CACNA1S: variants seen among roughly 807,000 people sequenced by gnomAD.
CACNA1S encodes calcium voltage-gated channel subunit alpha1 S.
In CACNA1S, 126 loss-of-function variants were observed where a neutral mutation model predicts 207.4. The observed-to-expected ratio is 0.61, with a 90% CI of 0.53 to 0.70. CACNA1S has a LOEUF of 0.70. Among genes scored for constraint, CACNA1S ranks in the 30% least tolerant of loss-of-function variants. CACNA1S has a pLI of 0.00. For synonymous variants in CACNA1S, 960 were observed against 932.7 expected (o/e 1.03, Z -0.53); for missense variants, 2,349 against 2,422.8 (o/e 0.97, Z 0.64).
At chr1:201,040,536 C>T in intron 42 of CACNA1S, 86 bp downstream of exon 42, 4 of 1,437,676 alleles carry the variant, frequency 2.8e-6, no homozygotes, top group Non-Finnish European at 2.9e-6. Flanking sequence ...GCTGCCACAG[C>T]CTTCCCCTGC....
rs769489062 is a variant in CACNA1S at position 201,061,382 on chromosome 1, A to G, written c.3140T>C (p.Ile1047Thr). 12 of 1,614,136 alleles carry G rather than the reference A, an allele frequency of 7.4e-6. No homozygotes were observed. Among genetic ancestry groups the G allele is most frequent in the Admixed American group, 1.7e-5 (1 of 60,018 alleles). The change falls in exon 25 of 44, where the codon ATC becomes ACC. Residue 1047 changes from isoleucine (I) to threonine (T), a missense_variant. Ile to Thr is a moderately conservative substitution (Grantham distance 89). Transcript: ENST00000362061. ...GAAGAAGGCAATGAGGATGATGTAG[A>G]TGATGAAGAAGATGGCCATCTCCAC... ...NRVEMAIFFI[I>T]YIILIAFFMM...
rs1052899967 is a variant in CACNA1S, at chr1:201,053,741, C to T, written c.3667-154G>A. 6.6e-6 allele frequency among the ~76,000 whole-genome samples: 1 copy of T among 152,092 alleles called. No individual in the cohort carries two copies. The highest frequency in any genetic ancestry group is 2.4e-5 in the African/African-American group (1 of 41,414). On this transcript the variant is annotated intron_variant, in intron 29 of 43. Transcript: ENST00000362061. The surrounding 1 kb of genome is among the most constrained non-coding windows in gnomAD (Gnocchi z 5.1). ...CTCTGGCCCCTGCTGTCCACTAGTTCGGGACCATCCTTGGGCACAGGGCTC... is the reference window on the plus strand; with the variant it reads ...CTCTGGCCCCTGCTGTCCACTAGTTTGGGACCATCCTTGGGCACAGGGCTC...
chr1:201,077,118 C>A lies in CACNA1S; in HGVS notation c.1629G>T (p.Thr543=), dbSNP rs143999390. Residue 543 remains threonine (T), a synonymous_variant, in exon 12 of 44, where the codon ACG becomes ACT. Coordinates refer to ENST00000362061, the MANE Select transcript of CACNA1S (RefSeq NM_000069.3). Reference sequence around the variant, plus strand: ...GGGATGCCACCAGGTTGCTCAGCGACGTCCAATATCTGAAGGAAGAGGAGG... The same window carrying A: ...GGGATGCCACCAGGTTGCTCAGCGAAGTCCAATATCTGAAGGAAGAGGAGG... The part of the protein sequence containing the change: ...LRIFKITKYW[T]SLSNLVASLL... The A allele has an allele frequency of 2.1e-4, 346 of 1,613,856 alleles. No individual in the cohort carries two copies. Among genetic ancestry groups the A allele is most frequent in the Non-Finnish European group, 1.7e-4 (198 of 1,179,908 alleles).
chr1:201,040,715 T>C lies in CACNA1S; in HGVS notation c.5135-2A>G. 1 of 1,613,102 alleles carries C rather than the reference T, an allele frequency of 6.2e-7. No individual in the cohort carries two copies. The highest frequency in any genetic ancestry group is 1.1e-5 in the South Asian group (1 of 91,006). On this transcript the variant is annotated splice_acceptor_variant, in intron 41 of 43. Transcript: ENST00000362061. LOFTEE classifies it high-confidence loss of function. ...CCACACAGGGTTTGCTGTGGGGTCC[T>C]GTATGCAAGAAGGGGCAAGGATAAG...
Position 201,078,071 on chromosome 1 carries a change from G to T in CACNA1S, c.1427C>A (p.Thr476Asn). The change falls in exon 11 of 44, where the codon ACC becomes AAC. Residue 476 changes from threonine to asparagine, a missense_variant. By Grantham distance (65) the Thr-to-Asn change is moderately conservative. Transcript: ENST00000362061. ...GTACATCTTCATCAGCATCTCAGTG[G>T]TGAAGAGGGACAGCAGCACCCGGTT... is the stretch of plus-strand genomic sequence containing the variant. ...IANRVLLSLF[T>N]TEMLMKMYGL... 6.2e-7 allele frequency: 1 copy of T among 1,614,210 alleles called. No homozygotes were observed. The highest frequency in any genetic ancestry group is 8.5e-7 in the Non-Finnish European group (1 of 1,180,022).
intron 7 of CACNA1S, 23 bp downstream of exon 7, chr1:201,087,803 C>T: frequency 6.6e-7 from 1 of 1,513,240 alleles, no homozygotes. Context: ...CTTTTCTCCC[C>T]TGGCTACCTT....
At chr1:201,100,270 G>A (rs1318955909) in intron 2 of CACNA1S, among the ~76,000 whole-genome samples, 1 of 152,266 alleles carries the variant, frequency 6.6e-6, no homozygotes, top group Non-Finnish European at 1.5e-5. Flanking sequence ...AGACTTAGAG[G>A]GGAATGAGGT....
At chr1:201,047,468 TC>T in intron 37 of CACNA1S, 56 bp downstream of exon 37, 3 of 1,439,416 alleles carry the variant, frequency 2.1e-6, no homozygotes, top group Non-Finnish European at 2.9e-6. Context: ...TTGGAGAAGC[TC>T]CCCACTCCCA....
At chr1:201,061,664 G>A (rs1160062577) in intron 24 of CACNA1S, among the ~76,000 whole-genome samples, 196 bp from the exon 25 acceptor site, 1 of 152,210 alleles carries the variant, frequency 6.6e-6, no homozygotes, top group East Asian at 1.9e-4. Flanking sequence ...CTTTCAAGAG[G>A]TTGCCCCATC....
At chr1:201,097,004 G>A (rs571174673) in intron 2 of CACNA1S, among the ~76,000 whole-genome samples, 4 of 152,108 alleles carry the variant, frequency 2.6e-5, no homozygotes, top group South Asian at 2.1e-4. Context: ...TTCATGTGTC[G>A]CTGTCTCAGC....
chr1:201,074,206 G>A (rs956862503), intron 14 of CACNA1S, among the ~76,000 whole-genome samples: 6 of 152,232 alleles, frequency 3.9e-5, no homozygotes, highest in Non-Finnish European at 8.8e-5. Flanking sequence ...TGACAGGGTT[G>A]GGAGGGGAAT....
chr1:201,110,129 G>A (rs1398579190), intron 2 of CACNA1S, 35 bp downstream of exon 2: 9 of 1,586,046 alleles, frequency 5.7e-6, no homozygotes, highest in Non-Finnish European at 7.8e-6. Flanking sequence ...GGGGCTGCAG[G>A]CTCGCAGGAA....
intron 1 of CACNA1S, 29 bp downstream of exon 1, chr1:201,112,159 C>T (rs199861975): frequency 6.9e-6 from 11 of 1,600,400 alleles, no homozygotes; most frequent in South Asian, 1.1e-5. Context: ...ACGCACACCC[C>T]CCCCCACGGC....
At chr1:201,092,791 C>A (rs1462013590) in intron 3 of CACNA1S, among the ~76,000 whole-genome samples, 3 of 152,226 alleles carry the variant, frequency 2.0e-5, no homozygotes, top group Admixed American at 6.5e-5. Flanking sequence ...TCACAGAATT[C>A]TTCTATTTTC....
intron 28 of CACNA1S, among the ~76,000 whole-genome samples, chr1:201,055,090 G>A (rs1660794167): frequency 6.6e-6 from 1 of 152,186 alleles, no homozygotes; most frequent in Non-Finnish European, 1.5e-5. Flanking sequence ...TGGGACCAAG[G>A]CTTCTATCTC....
At chr1:201,091,594 C>T in intron 5 of CACNA1S, 46 bp downstream of exon 5, 1 of 1,611,768 alleles carries the variant, frequency 6.2e-7, no homozygotes, top group South Asian at 1.1e-5. Flanking sequence ...CCCTTCTGAG[C>T]CATCCTAGGC....
chr1:201,073,511 C>T (rs1232233819), intron 15 of CACNA1S, 38 bp downstream of exon 15: 1 of 1,496,742 alleles, frequency 6.7e-7, no homozygotes, highest in Admixed American at 1.7e-5. Context: ...TGGAAGAGCC[C>T]CTAGACTGCC....
chr1:201,083,369 G>A (rs769735371), intron 9 of CACNA1S, 47 bp from the exon 10 acceptor site: 43 of 1,597,688 alleles, frequency 2.7e-5, no homozygotes, highest in East Asian at 6.7e-5. Flanking sequence ...GCTGTTCTAC[G>A]CCCCACCTGT....
intron 2 of CACNA1S, among the ~76,000 whole-genome samples, chr1:201,101,354 C>T (rs1329504463): frequency 6.6e-6 from 1 of 152,236 alleles, no homozygotes; most frequent in Admixed American, 6.5e-5. Flanking sequence ...ACAACCCTCA[C>T]CCTCCATAAC....
Sources: gnomAD v4.1 joint callset for allele counts (sites outside exome capture counted in the v4.1 genomes callset) on GRCh38, gnomAD v4.1.1 for gene constraint, Gnocchi (gnomAD v3.1) non-coding constraint, MANE v1.5 for transcripts, NCBI Gene and HGNC (gene_info 2026-07-23, HGNC 2026-07-21) for gene names.